YJU2B: variants seen among roughly 807,000 people sequenced by gnomAD.
YJU2B encodes probable splicing factor YJU2B.
A neutral mutation model predicts 38.0 loss-of-function variants in YJU2B; 18 were observed. That is an observed-to-expected ratio of 0.47 (90% CI 0.33 to 0.70). The LOEUF is 0.70. Among genes scored for constraint, YJU2B ranks in the 30% least tolerant of loss-of-function variants. The pLI is 0.02. For synonymous variants in YJU2B, 246 were observed against 225.4 expected, an observed-to-expected ratio of 1.09 and a Z score of -0.82; for missense variants, 538 against 556.3, an observed-to-expected ratio of 0.97 and a Z score of 0.33.
intron 3 of YJU2B, among the ~76,000 whole-genome samples, chr19:13,755,965 T>A (rs1179568101): frequency 6.6e-6 from 1 of 151,900 alleles, no homozygotes; most frequent in Non-Finnish European, 1.5e-5. Flanking sequence ...TCTCAAAAAA[T>A]AAATAAATAA....
At chr19:13,737,075 T>G (rs1220743285) in intron 2 of YJU2B, among the ~76,000 whole-genome samples, 1 of 151,128 alleles carries the variant, frequency 6.6e-6, no homozygotes, top group Non-Finnish European at 1.5e-5. Context: ...TCACCCATGC[T>G]GGAGTGCAGT....
At chr19:13,740,563 A>C (rs1201692619) in intron 2 of YJU2B, among the ~76,000 whole-genome samples, 1 of 151,706 alleles carries the variant, frequency 6.6e-6, no homozygotes, top group East Asian at 1.9e-4. Context: ...TATGTGATGG[A>C]GTCTCGCTCT....
chr19:13,759,297 CAG>C (rs1568296915), intron 8 of YJU2B, 25 bp downstream of exon 8: 1 of 1,576,998 alleles, frequency 6.3e-7, no homozygotes, highest in Non-Finnish European at 8.6e-7. Context: ...AGCCCGGGGT[CAG>C]AGAGGATGCA....
intron 2 of YJU2B, among the ~76,000 whole-genome samples, chr19:13,735,543 T>G (rs77914606): frequency 6.6e-6 from 1 of 151,538 alleles, no homozygotes; most frequent in African/African-American, 2.4e-5. Flanking sequence ...TTTTTTTTTT[T>G]CTCCAGCCCC....
chr19:13,757,534 G>A, intron 5 of YJU2B, 61 bp downstream of exon 5: 1 of 1,412,072 alleles, frequency 7.1e-7, no homozygotes, highest in South Asian at 1.2e-5. Context: ...ACTGCTGGAT[G>A]CCGCCGGGGT....
At chr19:13,744,427 T>C (rs1973176618), upstream of YJU2B, among the ~76,000 whole-genome samples, 1 of 152,238 alleles carries the variant, frequency 6.6e-6, no homozygotes, top group African/African-American at 2.4e-5. Flanking sequence ...TATGTTAAGA[T>C]GTTATCTTTA....
At chr19:13,737,174 C>T (rs1972973004) in intron 2 of YJU2B, among the ~76,000 whole-genome samples, 1 of 152,116 alleles carries the variant, frequency 6.6e-6, no homozygotes, top group Admixed American at 6.6e-5. Flanking sequence ...ACTATAAGCA[C>T]ATGACAACAC....
intron 2 of YJU2B, among the ~76,000 whole-genome samples, chr19:13,742,751 T>C (rs1973127562): frequency 6.6e-6 from 1 of 152,186 alleles, no homozygotes; most frequent in Non-Finnish European, 1.5e-5. Context: ...CTCCCCTCTC[T>C]AGGAAGTCCT....
chr19:13,743,147 G>GTTTTTTTTTTTTTTTTTTTTTTTTTT (rs1568279357), upstream of YJU2B, among the ~76,000 whole-genome samples: 5 of 152,172 alleles, frequency 3.3e-5, no homozygotes, highest in African/African-American at 7.2e-5. Flanking sequence ...TGCAGGTGGG[G>GTTTTTTTTTTTTTTTTTTTTTTTTTT]GTTTTTTAAG....
chr19:13,737,818 T>C (rs1972994530), intron 2 of YJU2B, among the ~76,000 whole-genome samples: 1 of 151,758 alleles, frequency 6.6e-6, no homozygotes, highest in African/African-American at 2.4e-5. Context: ...GTTAGCCAGA[T>C]GTAGCTGGTT....
At chr19:13,749,879 C>A (rs540233813) in intron 1 of YJU2B, among the ~76,000 whole-genome samples, 14 of 151,918 alleles carry the variant, frequency 9.2e-5, no homozygotes, top group Non-Finnish European at 1.8e-4. Flanking sequence ...ATGATCCACC[C>A]GCCTCGGCCT....
At chr19:13,749,341 A>G (rs1973367783) in intron 1 of YJU2B, among the ~76,000 whole-genome samples, 1 of 152,154 alleles carries the variant, frequency 6.6e-6, no homozygotes, top group Admixed American at 6.6e-5. Context: ...AGTTGGGGAA[A>G]AATCAAAAGA....
intron 8 of YJU2B, 136 bp from the exon 9 acceptor site, chr19:13,762,163 C>T (rs1291221960): frequency 2.8e-6 from 3 of 1,059,974 alleles, no homozygotes; most frequent in African/African-American, 1.6e-5. Flanking sequence ...CCACTGCACT[C>T]CAGTCTGGGC....
At chr19:13,748,809 T>C (rs895603256) in intron 1 of YJU2B, among the ~76,000 whole-genome samples, 1 of 152,178 alleles carries the variant, frequency 6.6e-6, no homozygotes, top group African/African-American at 2.4e-5. Context: ...CAAGGGGCAC[T>C]TAGCTATTTT....
intron 6 of YJU2B, 24 bp from the exon 7 acceptor site, chr19:13,758,844 C>T: frequency 6.2e-7 from 1 of 1,613,466 alleles, no homozygotes; most frequent in Non-Finnish European, 8.5e-7. Context: ...AGCCTCCTGA[C>T]TCCTGCCCAC....
Position 13,758,893 on chromosome 19 carries a change from G to A in YJU2B, c.283G>A (p.Val95Ile). The A allele has an allele frequency of 6.2e-7, 1 of 1,613,870 alleles. No individual in the cohort carries two copies. The highest frequency in any genetic ancestry group is 8.5e-7 in the Non-Finnish European group (1 of 1,179,982). Residue 95 changes from valine (V) to isoleucine (I), a missense_variant, in exon 7 of 10, where the codon GTC (valine) becomes ATC (isoleucine). Physicochemically the swap from Val to Ile is conservative, Grantham distance 29. Around this residue, in one of 2 missense-constraint regions of YJU2B, gnomAD observed 488 missense variants for 469.5 expected, o/e 1.04. Coordinates refer to ENST00000221554, the MANE Select transcript of YJU2B (RefSeq NM_030818.4). ...GTTCCGGATGAAATGCCACCTCTGTGTCAACTACATCGAGATGCAGACGGA... is the reference window on the plus strand; with the variant it reads ...GTTCCGGATGAAATGCCACCTCTGTATCAACTACATCGAGATGCAGACGGA... ...YRFRMKCHLCVNYIEMQTDPA... is the reference protein window; with the variant it reads ...YRFRMKCHLCINYIEMQTDPA...
In YJU2B at chr19:13,763,076, C is replaced by T. The variant is rs773543515; in HGVS notation, c.*8C>T. 1 of 1,536,868 alleles carries T rather than the reference C, an allele frequency of 6.5e-7. No individual in the cohort carries two copies. The highest frequency in any genetic ancestry group is 2.0e-5 in the Admixed American group (1 of 50,524). On this transcript the variant is annotated 3_prime_UTR_variant, in exon 10 of 10. Coordinates refer to ENST00000221554, the MANE Select transcript of YJU2B (RefSeq NM_030818.4). ...GACTCGGAGAGTGAGTGAGCGATCC[C>T]CATCCTGGAGACTGGACCCGCTCTA...
rs1210961097 is a variant in YJU2B at position 13,763,099 on chromosome 19, C to G, written c.*31C>G. ...CCCCATCCTGGAGACTGGACCCGCT[C>G]TAGAGGCCCGGACACACCCAGGAGG... On this transcript the variant is annotated 3_prime_UTR_variant, in exon 10 of 10. Coordinates refer to ENST00000221554, the MANE Select transcript of YJU2B (RefSeq NM_030818.4). 3 of 1,512,730 alleles carry G rather than the reference C, an allele frequency of 2.0e-6. No homozygotes were observed. Among genetic ancestry groups the G allele is most frequent in the South Asian group, 1.3e-5 (1 of 76,838 alleles). The allele number at this position is 1,512,730 out of a possible 1,614,324, so 93.7% of individuals were successfully genotyped here.
chr19:13,759,359 T>C, intron 8 of YJU2B, 87 bp downstream of exon 8: 1 of 1,106,148 alleles, frequency 9.0e-7, no homozygotes, highest in Non-Finnish European at 1.3e-6. Context: ...ATCCTAGCTT[T>C]GAGCAGGCCA....
Sources: gnomAD v4.1 joint callset for allele counts (sites outside exome capture counted in the v4.1 genomes callset) on GRCh38, gnomAD v4.1.1 for gene constraint, gnomAD v4.1.1 regional missense constraint, MANE v1.5 for transcripts, NCBI Gene and HGNC (gene_info 2026-07-23, HGNC 2026-07-21) for gene names.